The following TEX26 variants were observed in gnomAD, a reference collection of about 807,000 sequenced individuals.
TEX26 encodes testis expressed 26.
TEX26 carries 34 observed loss-of-function variants against 35.3 expected under a neutral mutation model. The ratio of observed to expected loss-of-function variants is 0.96; its 90% CI spans 0.73 to 1.28. The LOEUF is 1.28. TEX26 is among the 50% of genes most tolerant of loss of function. The pLI is 0.00. For synonymous variants in TEX26, 136 were observed against 111.8 expected (o/e 1.22, Z -1.36); for missense variants, 371 against 330.1 (o/e 1.12, Z -0.96).
At chr13:30,935,014 C>A (rs1953218836) in intron 1 of TEX26, among the ~76,000 whole-genome samples, 2 of 152,214 alleles carry the variant, frequency 1.3e-5, no homozygotes, top group African/African-American at 4.8e-5. Flanking sequence ...GCTGCCCTCC[C>A]AGGCACAGGA....
At chr13:30,951,361 A>G (rs1007849730) in intron 2 of TEX26, among the ~76,000 whole-genome samples, 17 of 151,938 alleles carry the variant, frequency 1.1e-4, no homozygotes, top group Middle Eastern at 3.2e-3. Context: ...GTCTCAAAAA[A>G]AAAAAAAAAA....
chr13:30,934,678 GC>G (rs1953201715), intron 1 of TEX26, among the ~76,000 whole-genome samples: 1 of 152,210 alleles, frequency 6.6e-6, no homozygotes, highest in Non-Finnish European at 1.5e-5. Flanking sequence ...CACAGCTGGG[GC>G]TGCAACACTC....
At chr13:30,951,129 G>A (rs1362568266) in intron 2 of TEX26, among the ~76,000 whole-genome samples, 1 of 152,060 alleles carries the variant, frequency 6.6e-6, no homozygotes, top group African/African-American at 2.4e-5. Flanking sequence ...TAGGAGGATC[G>A]CTTGAGGCTA....
At position 30,948,202 on chromosome 13, in the gene TEX26, G is replaced by T. The variant is rs572551159; in HGVS notation, c.147-4458G>T. On this transcript the variant is annotated intron_variant, in intron 2 of 6. Coordinates refer to ENST00000380473, the MANE Select transcript of TEX26 (RefSeq NM_152325.3). ...GTGAATAGTGCCGCAATAAACATAC[G>T]TGTGCATGTGTCTTTATAGCAGCAT... Among the ~76,000 whole-genome samples, 286 of 152,200 alleles carry T rather than the reference G, an allele frequency of 1.9e-3. 2 individuals are homozygous for T. Among genetic ancestry groups the T allele is most frequent in the South Asian group, 7.9e-3 (38 of 4,826 alleles).
chr13:30,943,928 C>G (rs1442679201), intron 2 of TEX26, among the ~76,000 whole-genome samples: 1 of 151,110 alleles, frequency 6.6e-6, no homozygotes, highest in African/African-American at 2.4e-5. Context: ...TTCTACAGAC[C>G]AGTATTCCTG....
intron 1 of TEX26, chr13:30,937,025 C>A (rs897035310): frequency 5.1e-6 from 5 of 976,464 alleles, no homozygotes; most frequent in Middle Eastern, 5.2e-4. Context: ...TAAGGGAAAT[C>A]ATTAACATGA....
chr13:30,969,207 C>A (rs1954639616), intron 6 of TEX26, among the ~76,000 whole-genome samples, 161 bp downstream of exon 6: 1 of 151,704 alleles, frequency 6.6e-6, no homozygotes, highest in Admixed American at 6.6e-5. Context: ...AACCTCAATC[C>A]ACTGAAAAGA....
chr13:30,946,882 TG>T (rs1953731084), intron 2 of TEX26, among the ~76,000 whole-genome samples: 1 of 152,146 alleles, frequency 6.6e-6, no homozygotes. Flanking sequence ...AATTAATACC[TG>T]CCATGATCTT....
chr13:30,961,516 A>G (rs753392122), intron 4 of TEX26, among the ~76,000 whole-genome samples: 5 of 143,210 alleles, frequency 3.5e-5, no homozygotes, highest in Non-Finnish European at 6.1e-5. Flanking sequence ...ATCAGTTGCT[A>G]CATCTACATT....
chr13:30,968,843 G>A (rs1402053549), intron 5 of TEX26, 42 bp from the exon 6 acceptor site: 3 of 1,589,698 alleles, frequency 1.9e-6, no homozygotes, highest in Admixed American at 3.5e-5. Flanking sequence ...GTGTGCTTGG[G>A]TGCCAGCCTT....
Position 30,963,955 on chromosome 13 carries a change from C to A in TEX26, c.470-2267C>A, listed in dbSNP as rs966000222. ...GTTCCAGACTCTTCACAGCCTGGCC[C>A]CAGCTTGCCTCTCCTATTTCACCCT... On this transcript the variant is annotated intron_variant, in intron 4 of 6. Transcript: ENST00000380473. 2.0e-5 allele frequency among the ~76,000 whole-genome samples: 3 copies of A among 152,168 alleles called. No individual in the cohort carries two copies. The East Asian group carries it at 5.8e-4, about 29-fold the overall frequency.
chr13:30,941,538 T>C (rs1463735954), intron 2 of TEX26, among the ~76,000 whole-genome samples: 1 of 152,170 alleles, frequency 6.6e-6, no homozygotes, highest in Non-Finnish European at 1.5e-5. Flanking sequence ...TGGTTTTTGG[T>C]TACATGGGTG....
chr13:30,969,137 G>T, intron 6 of TEX26, 91 bp downstream of exon 6: 3 of 1,068,518 alleles, frequency 2.8e-6, no homozygotes, highest in Non-Finnish European at 3.8e-6. Flanking sequence ...CACTGGAGTT[G>T]AATGCCCACA....
chr13:30,970,059 G>A (rs1046124700), intron 6 of TEX26, among the ~76,000 whole-genome samples: 2 of 152,030 alleles, frequency 1.3e-5, no homozygotes, highest in African/African-American at 4.8e-5. Flanking sequence ...ACAATCAGAA[G>A]AGCTTGCACC....
intron 2 of TEX26, among the ~76,000 whole-genome samples, chr13:30,940,580 G>A (rs540892552): frequency 5.6e-4 from 85 of 152,080 alleles, no homozygotes; most frequent in Non-Finnish European, 8.5e-4. Context: ...TGATCCGCCC[G>A]CCTCGGCCTT....
At chr13:30,968,438 C>T (rs551970512) in intron 5 of TEX26, among the ~76,000 whole-genome samples, 2 of 152,314 alleles carry the variant, frequency 1.3e-5, no homozygotes, top group South Asian at 2.1e-4. Flanking sequence ...CCTGTGGATG[C>T]GGGTCACCCC....
chr13:30,975,289 A>G lies in TEX26; in HGVS notation c.*382A>G. 6.5e-6 allele frequency: 1 copy of G among 154,610 alleles called. No homozygotes were observed. Among genetic ancestry groups the G allele is most frequent in the Non-Finnish European group, 1.4e-5 (1 of 69,654 alleles). 9.6% of individuals were successfully genotyped at this position (154,610 alleles called of 1,614,324 possible). ...ATTGCCTTATCTCTTCTTTGAATGAATGAAAGTTTAAAAATCTGCTTTTGG... is the reference window on the plus strand; with the variant it reads ...ATTGCCTTATCTCTTCTTTGAATGAGTGAAAGTTTAAAAATCTGCTTTTGG... On this transcript the variant is annotated 3_prime_UTR_variant, in exon 7 of 7. Transcript: ENST00000380473.
At chr13:30,963,850 C>T (rs1954435591) in intron 4 of TEX26, among the ~76,000 whole-genome samples, 1 of 152,166 alleles carries the variant, frequency 6.6e-6, no homozygotes, top group Admixed American at 6.5e-5. Context: ...AGTCTAGGTC[C>T]TGGCTTTTGC....
intron 1 of TEX26, among the ~76,000 whole-genome samples, chr13:30,939,203 C>T (rs902892388): frequency 6.6e-6 from 1 of 152,128 alleles, no homozygotes; most frequent in African/African-American, 2.4e-5. Flanking sequence ...ACATGTGCTG[C>T]CTGGGAGGAG....
Sources: allele counts gnomAD v4.1 joint callset (sites outside exome capture counted in the v4.1 genomes callset), GRCh38; gene constraint gnomAD v4.1.1; transcripts MANE v1.5; gene names NCBI Gene and HGNC (gene_info 2026-07-23, HGNC 2026-07-21).